Variants in CSMD3 observed in about 807,000 individuals in gnomAD.
CSMD3 encodes CUB and Sushi multiple domains 3, also known as CUB and sushi domain-containing protein 3.
Under a neutral mutation model 435.2 loss-of-function variants are expected in CSMD3, and 177 were observed. The observed-to-expected ratio is 0.41, with a 90% CI of 0.36 to 0.46. The LOEUF (loss-of-function observed/expected upper bound fraction) is 0.46. Ranked by LOEUF, CSMD3 falls within the 20% of genes least tolerant of loss-of-function variation. The probability of loss-of-function intolerance (pLI) is 0.34; values close to 1 mark genes in which losing one functional copy is unlikely to be tolerated. For synonymous variants in CSMD3, 1,656 were observed against 1,520.5 expected (o/e 1.09, Z -2.07); for missense variants, 4,265 against 4,504.6 (o/e 0.95, Z 1.52).
At chr8:112,385,540 A>G (rs972688855) in intron 36 of CSMD3, among the ~76,000 whole-genome samples, 1 of 69,290 alleles carries the variant, frequency 1.4e-5, no homozygotes, top group African/African-American at 8.6e-5. Flanking sequence ...GCATTGGGTG[A>G]AGAAAGTAAA....
intron 4 of CSMD3, among the ~76,000 whole-genome samples, chr8:113,151,522 T>G (rs1468082377): frequency 6.6e-6 from 1 of 151,856 alleles, no homozygotes; most frequent in Non-Finnish European, 1.5e-5. Flanking sequence ...CAAACAAAAA[T>G]AATGGCAAGA....
intron 59 of CSMD3, among the ~76,000 whole-genome samples, chr8:112,272,535 G>T (rs1339405192): frequency 6.6e-6 from 1 of 151,968 alleles, no homozygotes; most frequent in African/African-American, 2.4e-5. Context: ...AGAATAACAT[G>T]AATGGAAAAT....
intron 16 of CSMD3, among the ~76,000 whole-genome samples, chr8:112,668,013 T>C (rs1477144282): frequency 1.3e-5 from 2 of 152,180 alleles, no homozygotes; most frequent in East Asian, 3.8e-4. Context: ...TAAATTGGCC[T>C]AGGAATTAAA....
At chr8:112,674,863 T>C (rs1291034255) in intron 16 of CSMD3, among the ~76,000 whole-genome samples, 1 of 152,102 alleles carries the variant, frequency 6.6e-6, no homozygotes, top group East Asian at 1.9e-4. Flanking sequence ...TTCCCTCCTC[T>C]AAGAAGAATG....
In CSMD3 at chr8:112,747,183, C is replaced by CTTTTTTTT. The variant is rs71309787; in HGVS notation, c.1972+52971_1972+52978dup. Among the ~76,000 whole-genome samples the CTTTTTTTT allele has an allele frequency of 7.1e-4, 19 of 26,926 alleles. 1 individual carries two copies. Among genetic ancestry groups the CTTTTTTTT allele is most frequent in the African/African-American group, 2.1e-3 (8 of 3,824 alleles). 17.7% of individuals were successfully genotyped at this position (26,926 alleles called of 152,430 possible). A position where few individuals can be genotyped will look rare whatever the true frequency, so the allele number is the denominator to read the frequency against. ...TATGATTATTTGTCTGCACACTTCCCTTTTTTTTTTTTTTTTTTTTTTTTT... is the reference window on the plus strand; with the variant it reads ...TATGATTATTTGTCTGCACACTTCCCTTTTTTTTTTTTTTTTTTTTTTTTTTTTTTTTT... On this transcript the variant is annotated intron_variant, in intron 13 of 70. Coordinates refer to ENST00000297405, the MANE Select transcript of CSMD3 (RefSeq NM_198123.2).
intron 5 of CSMD3, among the ~76,000 whole-genome samples, chr8:113,042,312 A>G (rs1224097613): frequency 1.3e-5 from 2 of 152,108 alleles, no homozygotes; most frequent in African/African-American, 4.8e-5. Context: ...ATTAGAATAG[A>G]CTCACCAATG....
chr8:112,269,684 A>G (rs1457983868), intron 59 of CSMD3, among the ~76,000 whole-genome samples: 5 of 152,182 alleles, frequency 3.3e-5, no homozygotes, highest in Admixed American at 6.6e-5. Flanking sequence ...TGTACTGACA[A>G]AAAAATGTAA....
rs144851443 is a variant in CSMD3 at position 113,288,758 on chromosome 8, C to G, written c.402-10054G>C. On this transcript the variant is annotated intron_variant, in intron 2 of 70. Transcript: ENST00000297405. ...CTATAAGCTTGTATTTTAGAGTATA[C>G]AATTGAAAAAAAAATTCATTCTGCT... is the stretch of plus-strand genomic sequence containing the variant. 7.9e-3 allele frequency among the ~76,000 whole-genome samples: 1,195 copies of G among 151,260 alleles called. 15 individuals carry two copies. Among genetic ancestry groups the G allele is most frequent in the African/African-American group, 0.027 (1,133 of 41,314 alleles).
At chr8:112,445,252 CAA>C (rs1815468415) in intron 32 of CSMD3, among the ~76,000 whole-genome samples, 1 of 151,918 alleles carries the variant, frequency 6.6e-6, no homozygotes, top group Non-Finnish European at 1.5e-5. Flanking sequence ...CTCAAAAAAA[CAA>C]AAAACAAAAC....
At chr8:112,429,899 A>AT (rs1813479997) in intron 32 of CSMD3, among the ~76,000 whole-genome samples, 1 of 151,990 alleles carries the variant, frequency 6.6e-6, no homozygotes, top group Non-Finnish European at 1.5e-5. Context: ...AGTAAACAAC[A>AT]TTCACAGAGA....
At chr8:112,230,254 T>G (rs1337786032) in intron 69 of CSMD3, among the ~76,000 whole-genome samples, 1 of 152,192 alleles carries the variant, frequency 6.6e-6, no homozygotes, top group East Asian at 1.9e-4. Flanking sequence ...ATTATACAAC[T>G]GTGTAAATGC....
intron 38 of CSMD3, among the ~76,000 whole-genome samples, chr8:112,375,126 T>C (rs1828820806): frequency 6.6e-6 from 1 of 152,170 alleles, no homozygotes; most frequent in Non-Finnish European, 1.5e-5. Flanking sequence ...ATTTTTTAGT[T>C]TGATTCAGAT....
intron 35 of CSMD3, among the ~76,000 whole-genome samples, chr8:112,399,407 T>G (rs535962770): frequency 6.6e-6 from 1 of 152,146 alleles, no homozygotes; most frequent in South Asian, 2.1e-4. Flanking sequence ...ACTATAGGTG[T>G]GTGCCACCAC....
intron 22 of CSMD3, among the ~76,000 whole-genome samples, chr8:112,610,955 T>C: frequency 6.6e-6 from 1 of 152,190 alleles, no homozygotes; most frequent in South Asian, 2.1e-4. Context: ...AAATGCATCA[T>C]GCAAAGTACT....
At position 112,829,757 on chromosome 8, in the gene CSMD3, C is replaced by T; in HGVS notation, c.1788G>A (p.Leu596=). 7 of 1,612,570 alleles carry T rather than the reference C, an allele frequency of 4.3e-6. No homozygotes were observed. The highest frequency in any genetic ancestry group is 5.9e-6 in the Non-Finnish European group (7 of 1,178,778). Residue 596 remains leucine, a synonymous_variant, in exon 12 of 71, where the codon CTG becomes CTA. Coordinates refer to ENST00000297405, the MANE Select transcript of CSMD3 (RefSeq NM_198123.2). ...TTGTCAAGGTATCATAGCCAATCTC[C>T]AGATCAAATTCTTCAAAATTTATCT... ...VIQINFEEFD[L]EIGYDTLTIG...
intron 12 of CSMD3, among the ~76,000 whole-genome samples, chr8:112,817,681 T>G (rs994555444): frequency 6.0e-5 from 9 of 150,632 alleles, no homozygotes; most frequent in East Asian, 1.9e-4. Context: ...ATAATAGAGA[T>G]AGAGAGAGAG....
chr8:112,746,479 T>G (rs2077427860), intron 13 of CSMD3, among the ~76,000 whole-genome samples: 1 of 152,150 alleles, frequency 6.6e-6, no homozygotes, highest in Non-Finnish European at 1.5e-5. Context: ...TCTTCCAGCT[T>G]GCTCTTCCAG....
In CSMD3 at chr8:113,306,613, A is replaced by T. The variant is rs1014699764; in HGVS notation, c.401+7958T>A. Among the ~76,000 whole-genome samples the T allele has an allele frequency of 7.2e-5, 11 of 152,140 alleles. 1 individual carries two copies. The highest frequency in any genetic ancestry group is 7.2e-4 in the Admixed American group (11 of 15,272). On this transcript the variant is annotated intron_variant, in intron 2 of 70. Transcript: ENST00000297405. ...GAGGCATCAAGTATAGTGAGGAAAGATTTTAATTGTGAGTATTAGGAAGTT... is the reference window on the plus strand; with the variant it reads ...GAGGCATCAAGTATAGTGAGGAAAGTTTTTAATTGTGAGTATTAGGAAGTT...
chr8:113,357,555 T>A (rs866516578), intron 1 of CSMD3, among the ~76,000 whole-genome samples: 25 of 152,238 alleles, frequency 1.6e-4, no homozygotes, highest in Admixed American at 1.5e-3. Flanking sequence ...ACAACGTTGT[T>A]GTATTGGTAG....
Sources: allele counts gnomAD v4.1 joint callset (sites outside exome capture counted in the v4.1 genomes callset), GRCh38; gene constraint gnomAD v4.1.1; transcripts MANE v1.5; gene names NCBI Gene and HGNC (gene_info 2026-07-23, HGNC 2026-07-21).